DIP2B: variants seen among roughly 807,000 people sequenced by gnomAD.
The protein encoded by DIP2B is disco-interacting protein 2 homolog B.
Under a neutral mutation model 198.0 loss-of-function variants are expected in DIP2B, and 76 were observed. That is an observed-to-expected ratio of 0.38 (90% confidence interval 0.32 to 0.46). The LOEUF is 0.46. Among genes scored for constraint, DIP2B ranks in the 20% least tolerant of loss-of-function variants. The pLI, the probability that DIP2B is intolerant of heterozygous loss-of-function variation, is 0.99. For synonymous variants in DIP2B, 701 were observed against 739.1 expected, an observed-to-expected ratio of 0.95 and a Z score of 0.84; for missense variants, 1,559 against 1,978.4, an observed-to-expected ratio of 0.79 and a Z score of 4.02.
At chr12:50,625,745 A>G (rs530288491) in intron 1 of DIP2B, among the ~76,000 whole-genome samples, 2 of 152,172 alleles carry the variant, frequency 1.3e-5, no homozygotes, top group African/African-American at 2.4e-5. Flanking sequence ...ACATATTGCT[A>G]TGCAAGATTG....
intron 3 of DIP2B, among the ~76,000 whole-genome samples, chr12:50,651,934 C>T (rs1467313930): frequency 6.6e-6 from 1 of 152,084 alleles, no homozygotes; most frequent in African/African-American, 2.4e-5. Context: ...AATCCCAGCA[C>T]ATTGGGAGGC....
chr12:50,542,519 G>A (rs561337330), intron 1 of DIP2B, among the ~76,000 whole-genome samples: 1 of 152,282 alleles, frequency 6.6e-6, no homozygotes, highest in Admixed American at 6.5e-5. Flanking sequence ...GCCCATGTCT[G>A]ATGTGGAGGG....
chr12:50,683,881 G>A (rs1565869972), intron 10 of DIP2B, among the ~76,000 whole-genome samples: 2 of 152,316 alleles, frequency 1.3e-5, no homozygotes, highest in East Asian at 3.9e-4. Flanking sequence ...GGAGATTGAG[G>A]TGGGCGGGTT....
chr12:50,562,716 G>A (rs1428579536), intron 1 of DIP2B, among the ~76,000 whole-genome samples: 2 of 150,884 alleles, frequency 1.3e-5, no homozygotes, highest in East Asian at 3.9e-4. Context: ...CAGACTGGGT[G>A]ACAGAGTGAC....
intron 2 of DIP2B, among the ~76,000 whole-genome samples, chr12:50,627,858 T>G (rs1937965920): frequency 6.6e-6 from 1 of 152,222 alleles, no homozygotes; most frequent in Non-Finnish European, 1.5e-5. Context: ...GATGCCACAC[T>G]TCCAACATCT....
intron 16 of DIP2B, 83 bp from the exon 17 acceptor site, chr12:50,696,978 G>A: frequency 9.8e-7 from 1 of 1,020,992 alleles, no homozygotes; most frequent in Non-Finnish European, 1.5e-6. Context: ...AAATAAGTAT[G>A]TCAGCTTTCT....
rs893017435 is a variant in DIP2B, at chr12:50,530,222, A to G, written c.100+24982A>G. On this transcript the variant is annotated intron_variant, in intron 1 of 37. Transcript: ENST00000301180. ...CTCCCGAGGAGCTGGGACTACAGGC[A>G]CCCGCCATCACGCCTGGCTAATTTT... Among the ~76,000 whole-genome samples the G allele has an allele frequency of 3.9e-5, 6 of 152,084 alleles. No individual in the cohort carries two copies. The South Asian group carries it at 6.2e-4, about 16-fold the overall frequency.
chr12:50,729,174 C>T (rs976984082), intron 30 of DIP2B, among the ~76,000 whole-genome samples: 2 of 152,188 alleles, frequency 1.3e-5, no homozygotes, highest in African/African-American at 4.8e-5. Context: ...GCATTTTCAC[C>T]TCCTTGGTGT....
intron 22 of DIP2B, among the ~76,000 whole-genome samples, chr12:50,710,099 C>A (rs888264503): frequency 6.6e-5 from 10 of 152,306 alleles, no homozygotes; most frequent in Non-Finnish European, 1.3e-4. Context: ...TAGCACTTAA[C>A]ATCTTGTATA....
intron 3 of DIP2B, among the ~76,000 whole-genome samples, chr12:50,647,139 G>T (rs1232468882): frequency 6.6e-6 from 1 of 152,036 alleles, no homozygotes; most frequent in African/African-American, 2.4e-5. Flanking sequence ...TCCAACCTCC[G>T]CCTCCTGGGC....
chr12:50,730,597 G>A (rs1940025108), intron 30 of DIP2B, among the ~76,000 whole-genome samples: 1 of 151,920 alleles, frequency 6.6e-6, no homozygotes, highest in Non-Finnish European at 1.5e-5. Context: ...CTATTACCCA[G>A]GCTGGTCTTC....
At chr12:50,576,639 T>C (rs1393681372) in intron 1 of DIP2B, among the ~76,000 whole-genome samples, 2 of 151,664 alleles carry the variant, frequency 1.3e-5, no homozygotes, top group African/African-American at 2.4e-5. Context: ...TCACCACGCC[T>C]GGCTAATTTT....
At chr12:50,696,627 T>C (rs1387256301) in intron 16 of DIP2B, among the ~76,000 whole-genome samples, 1 of 152,218 alleles carries the variant, frequency 6.6e-6, no homozygotes, top group Non-Finnish European at 1.5e-5. Context: ...TTGTTAGTAG[T>C]CACATTGATC....
chr12:50,670,446 C>T (rs758533130), intron 4 of DIP2B, among the ~76,000 whole-genome samples: 3 of 152,046 alleles, frequency 2.0e-5, no homozygotes, highest in Non-Finnish European at 2.9e-5. Context: ...GTTGGAGTCT[C>T]GCTCTGTTGC....
At chr12:50,654,258 A>G (rs1296029594) in intron 3 of DIP2B, among the ~76,000 whole-genome samples, 1 of 152,088 alleles carries the variant, frequency 6.6e-6, no homozygotes, top group East Asian at 1.9e-4. Context: ...TTAATTCTAT[A>G]ATAATTTTTA....
At chr12:50,587,466 C>G (rs10783376) in intron 1 of DIP2B, among the ~76,000 whole-genome samples, 41,553 of 151,982 alleles carry the variant, frequency 0.27, 6,017 homozygotes, top group East Asian at 0.39. Context: ...GGTTACATGA[C>G]GGGGAGGGAT....
chr12:50,718,939 T>C lies in DIP2B; in HGVS notation c.2962-16T>C, dbSNP rs1213257052. 1 of 1,614,008 alleles carries C rather than the reference T, an allele frequency of 6.2e-7. No homozygotes were observed. The highest frequency in any genetic ancestry group is 1.3e-5 in the African/African-American group (1 of 74,938). ...AGTTGCTGACCCTGAGTCCTTTTTC[T>C]GGTTTATGACTTCAGCACCAGTTTC... On this transcript the variant is annotated splice_polypyrimidine_tract_variant and intron_variant, in intron 24 of 37. Transcript: ENST00000301180.
chr12:50,560,200 T>C (rs1165374498), intron 1 of DIP2B, among the ~76,000 whole-genome samples: 5 of 151,562 alleles, frequency 3.3e-5, no homozygotes, highest in Non-Finnish European at 7.4e-5. Context: ...CGAGACCATC[T>C]TGGCTAATAC....
At chr12:50,514,156 C>T (rs982687727) in intron 1 of DIP2B, among the ~76,000 whole-genome samples, 1 of 150,792 alleles carries the variant, frequency 6.6e-6, no homozygotes, top group African/African-American at 2.4e-5. Context: ...ACCTCCGCCT[C>T]CCGGGTTCAA....
Sources: gnomAD v4.1 joint callset for allele counts (sites outside exome capture counted in the v4.1 genomes callset) on GRCh38, gnomAD v4.1.1 for gene constraint, MANE v1.5 for transcripts, NCBI Gene and HGNC (gene_info 2026-07-23, HGNC 2026-07-21) for gene names.